Variants in ACSL5 observed in about 807,000 individuals in gnomAD.
ACSL5 encodes acyl-CoA synthetase long chain family member 5, also known as long-chain-fatty-acid--CoA ligase 5.
ACSL5 carries 50 observed loss-of-function variants against 84.9 expected under a neutral mutation model. That is an observed-to-expected ratio of 0.59 (90% confidence interval 0.47 to 0.75). The LOEUF (loss-of-function observed/expected upper bound fraction) is 0.75. Ranked by LOEUF, ACSL5 falls within the 30% of genes least tolerant of loss-of-function variation. The pLI is 0.00. For missense variants in ACSL5, 775 were observed against 830.4 expected (o/e 0.93, Z 0.82); for synonymous variants, 280 against 300.7 (o/e 0.93, Z 0.71).
rs550061303 is a variant in ACSL5, at chr10:112,420,107, A to C, written c.1315-1486A>C. ...GCCAAGGCCTGAGGTCCTTCAAATT[A>C]GCATCCTCTTAGCCATTTTTAATAC... On this transcript the variant is annotated intron_variant, in intron 14 of 20. Coordinates refer to ENST00000354655, the MANE Select transcript of ACSL5 (RefSeq NM_203379.2). 236 of 152,378 alleles carry C rather than the reference A, an allele frequency of 1.5e-3. 2 individuals are homozygous for C. The South Asian group carries it at 0.016, about 10-fold the overall frequency. The allele number at this position is 152,378 out of a possible 1,614,324, so 9.4% of individuals were successfully genotyped here.
intron 11 of ACSL5, 197 bp downstream of exon 11, chr10:112,412,176 A>G (rs1232139565): frequency 6.6e-6 from 4 of 603,886 alleles, no homozygotes; most frequent in Non-Finnish European, 1.2e-5. Context: ...CTAAGTCTGC[A>G]TGTGTCCAGG....
intron 1 of ACSL5, among the ~76,000 whole-genome samples, chr10:112,377,322 C>T (rs534975522): frequency 1.3e-5 from 2 of 152,304 alleles, no homozygotes; most frequent in African/African-American, 4.8e-5. Context: ...GGTGGATCAC[C>T]TGAAGTCAGG....
chr10:112,380,125 C>T (rs747158580), intron 1 of ACSL5, among the ~76,000 whole-genome samples: 21 of 152,234 alleles, frequency 1.4e-4, no homozygotes, highest in Non-Finnish European at 2.5e-4. Context: ...GTCCCGGGGT[C>T]GGGATTTGGA....
At chr10:112,420,933 G>T (rs1844444617) in intron 14 of ACSL5, among the ~76,000 whole-genome samples, 1 of 152,046 alleles carries the variant, frequency 6.6e-6, no homozygotes, top group South Asian at 2.1e-4. Flanking sequence ...TGTTGGTCAG[G>T]CTGGTCTCGA....
intron 16 of ACSL5, 111 bp downstream of exon 16, chr10:112,422,146 A>C: frequency 7.8e-7 from 1 of 1,286,530 alleles, no homozygotes; most frequent in Non-Finnish European, 1.1e-6. Flanking sequence ...TTGTTAGCAA[A>C]GAATTAAGCA....
At chr10:112,389,099 A>G (rs971581720) in intron 1 of ACSL5, among the ~76,000 whole-genome samples, 2 of 152,220 alleles carry the variant, frequency 1.3e-5, no homozygotes, top group African/African-American at 4.8e-5. Context: ...GCCATTTAGG[A>G]CATTTATCCA....
rs770528760 is a variant in ACSL5, at chr10:112,404,553, A to G, written c.308A>G (p.Tyr103Cys). 6.2e-7 allele frequency: 1 copy of G among 1,613,804 alleles called. No individual in the cohort carries two copies. The highest frequency in any genetic ancestry group is 2.2e-5 in the East Asian group (1 of 44,878). The change falls in exon 4 of 21, where the codon TAC becomes TGC. Residue 103 changes from tyrosine (Y) to cysteine (C), a missense_variant. Physicochemically the swap from Tyr to Cys is radical, Grantham distance 194. Transcript: ENST00000354655. ...CLGYRKPNQP[Y>C]RWLSYKQVSD... is the part of the protein sequence containing the mutation. ...GGATATAGAAAACCAAACCAGCCCT[A>G]CAGATGGCTATCTTACAAACAGGTA...
intron 1 of ACSL5, among the ~76,000 whole-genome samples, chr10:112,383,062 A>T (rs1434158101): frequency 6.6e-6 from 1 of 152,194 alleles, no homozygotes; most frequent in African/African-American, 2.4e-5. Flanking sequence ...TCAGCCCAGG[A>T]GTTCAAGCCC....
At chr10:112,417,201 T>TAAAAA (rs377732977) in intron 13 of ACSL5, among the ~76,000 whole-genome samples, 179 bp downstream of exon 13, 27,476 of 119,922 alleles carry the variant, frequency 0.23, 4,447 homozygotes, top group African/African-American at 0.44. Flanking sequence ...GGAGTAGGTT[T>TAAAAA]AAAAAAAAAA....
rs770138511 is a variant in ACSL5, at chr10:112,413,284, C to T, written c.1060C>T (p.Leu354Phe). ...CACATTGTTTCCCGCGGTGCCTCGACTCCTTAACAGGATCTACGATAAGGT... is the reference window on the plus strand; with the variant it reads ...CACATTGTTTCCCGCGGTGCCTCGATTCCTTAACAGGATCTACGATAAGGT... ...KPTLFPAVPR[L>F]LNRIYDKVQN... The change falls in exon 12 of 21, where the codon CTC becomes TTC. Residue 354 changes from leucine to phenylalanine, a missense_variant. Coordinates refer to ENST00000354655, the MANE Select transcript of ACSL5 (RefSeq NM_203379.2). 1.9e-5 allele frequency: 30 copies of T among 1,614,066 alleles called. No homozygotes were observed. Among genetic ancestry groups the T allele is most frequent in the Non-Finnish European group, 2.5e-5 (29 of 1,180,042 alleles).
chr10:112,404,168 G>A (rs1288132982), intron 3 of ACSL5, among the ~76,000 whole-genome samples: 1 of 152,216 alleles, frequency 6.6e-6, no homozygotes, highest in Non-Finnish European at 1.5e-5. Flanking sequence ...AATACAGGCT[G>A]TTTGTGTTTA....
intron 6 of ACSL5, 173 bp from the exon 7 acceptor site, chr10:112,409,334 C>T: frequency 5.1e-6 from 3 of 588,894 alleles, no homozygotes; most frequent in South Asian, 2.2e-5. Flanking sequence ...CAGTTAAGTT[C>T]ATTTATCATC....
chr10:112,397,889 T>C (rs1843782179), intron 2 of ACSL5, among the ~76,000 whole-genome samples: 1 of 152,168 alleles, frequency 6.6e-6, no homozygotes, highest in Admixed American at 6.5e-5. Context: ...ACACATAGTA[T>C]GCATTCAGTA....
chr10:112,420,867 A>G (rs1844441695), intron 14 of ACSL5, among the ~76,000 whole-genome samples: 1 of 152,064 alleles, frequency 6.6e-6, no homozygotes, highest in Non-Finnish European at 1.5e-5. Flanking sequence ...AATTACAGGC[A>G]TGTGCCACCA....
At chr10:112,426,626 C>A (rs1228140479) in intron 19 of ACSL5, 162 bp from the exon 20 acceptor site, 2 of 661,360 alleles carry the variant, frequency 3.0e-6, no homozygotes, top group East Asian at 5.4e-5. Flanking sequence ...GCCTTTTCTT[C>A]TCAGTTTTTC....
In ACSL5 at chr10:112,418,540, C is replaced by A. The variant is rs571324283; in HGVS notation, c.1314+599C>A. 4.5e-4 allele frequency among the ~76,000 whole-genome samples: 68 copies of A among 151,990 alleles called. No individual in the cohort carries two copies. The South Asian group carries it at 0.012, about 26-fold the overall frequency. The stretch of plus-strand genomic sequence containing the variant: ...GAGCTTGCAGTGAGCTGAGATTGCG[C>A]CACTGCACTCCAGCCTGGGCAACAG... On this transcript the variant is annotated intron_variant, in intron 14 of 20. Coordinates refer to ENST00000354655, the MANE Select transcript of ACSL5 (RefSeq NM_203379.2).
intron 17 of ACSL5, 194 bp from the exon 18 acceptor site, chr10:112,425,144 A>G (rs979661832): frequency 6.5e-6 from 3 of 463,950 alleles, no homozygotes; most frequent in Admixed American, 3.9e-5. Flanking sequence ...ATAGATATAC[A>G]GTAAAGACAG....
chr10:112,381,819 T>C (rs1448106131), intron 1 of ACSL5, among the ~76,000 whole-genome samples: 1 of 151,546 alleles, frequency 6.6e-6, no homozygotes, highest in African/African-American at 2.4e-5. Flanking sequence ...ATACAAAAAT[T>C]AGCTGGGCGT....
chr10:112,419,739 C>T (rs532522164), intron 14 of ACSL5: 2 of 152,260 alleles, frequency 1.3e-5, no homozygotes, highest in South Asian at 4.1e-4. Context: ...TGTGTATTGC[C>T]ATATAAAAAT....
Sources: gnomAD v4.1 joint callset for allele counts (sites outside exome capture counted in the v4.1 genomes callset) on GRCh38, gnomAD v4.1.1 for gene constraint, MANE v1.5 for transcripts, NCBI Gene and HGNC (gene_info 2026-07-23, HGNC 2026-07-21) for gene names.